The following TMC2 variants were observed in gnomAD, a reference collection of about 807,000 sequenced individuals.
TMC2 encodes the protein transmembrane channel-like protein 2.
In TMC2, 102 loss-of-function variants were observed where a neutral mutation model predicts 105.9. The observed-to-expected ratio is 0.96, with a 90% CI of 0.82 to 1.14. TMC2 has a LOEUF of 1.14. Among genes scored for constraint, TMC2 ranks in the 50% most tolerant of loss-of-function variants. The pLI, the probability that TMC2 is intolerant of heterozygous loss-of-function variation, is 0.00. For missense variants in TMC2, 1,093 were observed against 1,134.3 expected (o/e 0.96, Z 0.52); for synonymous variants, 402 against 422.8 (o/e 0.95, Z 0.60).
intron 10 of TMC2, among the ~76,000 whole-genome samples, chr20:2,598,197 GA>G (rs11472755): frequency 3.3e-3 from 432 of 132,334 alleles, no homozygotes; most frequent in African/African-American, 8.4e-3. Flanking sequence ...CTAGTGAAAT[GA>G]AAAAAAAAAA....
intron 8 of TMC2, among the ~76,000 whole-genome samples, chr20:2,593,547 G>A (rs540744259): frequency 3.3e-5 from 5 of 152,266 alleles, no homozygotes; most frequent in Admixed American, 1.3e-4. Context: ...TAAAGATTGC[G>A]TGTGTAAGTG....
intron 10 of TMC2, among the ~76,000 whole-genome samples, chr20:2,599,281 G>A (rs1269286977): frequency 1.6e-5 from 2 of 123,064 alleles, no homozygotes; most frequent in African/African-American, 3.0e-5. Flanking sequence ...ATGAATGAAT[G>A]AATGGGATAA....
At position 2,592,432 on chromosome 20, in the gene TMC2, A is replaced by C; in HGVS notation, c.933+24A>C. ...AGGTACTATTGTCAACATGCCAATG[A>C]ACTTCCATTTGTGATTATAAAGGCT... On this transcript the variant is annotated intron_variant, in intron 8 of 19. Transcript: ENST00000358864. This position sits in a 1 kb window ranked among gnomAD's most constrained non-coding sequence, Gnocchi z 4.9. 2 of 1,464,210 alleles carry C rather than the reference A, an allele frequency of 1.4e-6. No individual in the cohort carries two copies. Among genetic ancestry groups the C allele is most frequent in the Non-Finnish European group, 1.9e-6 (2 of 1,043,264 alleles). The allele number at this position is 1,464,210 out of a possible 1,614,324, so 90.7% of individuals were successfully genotyped here.
intron 14 of TMC2, among the ~76,000 whole-genome samples, chr20:2,614,294 T>G (rs2086464494): frequency 6.6e-6 from 1 of 152,044 alleles, no homozygotes; most frequent in Non-Finnish European, 1.5e-5. Context: ...TGTGAGAATA[T>G]CCAGAAAAAA....
chr20:2,570,086 C>T (rs941633733), intron 4 of TMC2, among the ~76,000 whole-genome samples: 7 of 152,078 alleles, frequency 4.6e-5, no homozygotes, highest in African/African-American at 1.4e-4. Context: ...ACAAGAATGC[C>T]CATTCTCACT....
In TMC2 at chr20:2,616,319, G is replaced by C. The variant is rs2086481555; in HGVS notation, c.1940+115G>C. ...GCTAGATAAGTCCTCTTGCCTCTCTGAACTCCCCTCTTTCACATGAAAAAT... is the reference window on the plus strand; with the variant it reads ...GCTAGATAAGTCCTCTTGCCTCTCTCAACTCCCCTCTTTCACATGAAAAAT... On this transcript the variant is annotated intron_variant, in intron 15 of 19. Coordinates refer to ENST00000358864, the MANE Select transcript of TMC2 (RefSeq NM_080751.3). This position sits in a 1 kb window ranked among gnomAD's most constrained non-coding sequence, Gnocchi z 4.8. The C allele has an allele frequency of 1.2e-6, 1 of 840,012 alleles. No homozygotes were observed. Among genetic ancestry groups the C allele is most frequent in the African/African-American group, 1.7e-5 (1 of 59,512 alleles). 52.0% of individuals were successfully genotyped at this position (840,012 alleles called of 1,614,324 possible). A position where few individuals can be genotyped will look rare whatever the true frequency, so the allele number is the denominator to read the frequency against.
rs746844176 is a variant in TMC2, at chr20:2,579,165, G to C, written c.665G>C (p.Arg222Thr). 1 of 1,592,288 alleles carries C rather than the reference G, an allele frequency of 6.3e-7. No individual in the cohort carries two copies. The highest frequency in any genetic ancestry group is 8.6e-7 in the Non-Finnish European group (1 of 1,160,480). Residue 222 changes from arginine to threonine, a missense_variant, in exon 6 of 20, where the codon AGA becomes ACA. Arg to Thr is a moderately conservative substitution (Grantham distance 71, BLOSUM62 -1). Transcript: ENST00000358864. ...LMAKKWVKFK[R>T]DFDNFKTQCI... The stretch of plus-strand genomic sequence containing the variant: ...TTTCAGAAATGGGTCAAATTTAAGA[G>C]AGACTTTGATAATTTCAAGACTCAA...
intron 2 of TMC2, among the ~76,000 whole-genome samples, chr20:2,547,869 T>C (rs759603574): frequency 1.3e-5 from 2 of 152,232 alleles, no homozygotes; most frequent in African/African-American, 4.8e-5. Flanking sequence ...TTCTGCAAAC[T>C]TTCTGCTATT....
intron 14 of TMC2, 137 bp downstream of exon 14, chr20:2,613,459 T>C: frequency 5.4e-6 from 7 of 1,286,952 alleles, no homozygotes; most frequent in Non-Finnish European, 7.8e-6. Flanking sequence ...AGTAGTAAAG[T>C]GTTTAATTTG....
chr20:2,626,313 G>A (rs1422636970), intron 17 of TMC2, among the ~76,000 whole-genome samples: 1 of 152,228 alleles, frequency 6.6e-6, no homozygotes, highest in African/African-American at 2.4e-5. Context: ...CAGCTCAGCT[G>A]GAGGCTGGAG....
chr20:2,628,059 T>C (rs936596216), intron 17 of TMC2, among the ~76,000 whole-genome samples: 2 of 151,900 alleles, frequency 1.3e-5, no homozygotes, highest in African/African-American at 2.4e-5. Context: ...TCCCAGCTAC[T>C]TGAGAGACTG....
intron 4 of TMC2, among the ~76,000 whole-genome samples, chr20:2,568,147 T>C (rs1231022759): frequency 6.6e-6 from 1 of 151,732 alleles, no homozygotes. Flanking sequence ...GCAAAACAAA[T>C]CCCAAGCAGG....
chr20:2,546,935 T>C (rs1219253046), intron 2 of TMC2, among the ~76,000 whole-genome samples: 1 of 152,178 alleles, frequency 6.6e-6, no homozygotes, highest in African/African-American at 2.4e-5. Flanking sequence ...GGTCAAAATG[T>C]CTATAATGAT....
intron 11 of TMC2, 138 bp downstream of exon 11, chr20:2,602,439 AAATAGC>A: frequency 8.0e-6 from 5 of 625,126 alleles, no homozygotes; most frequent in Non-Finnish European, 1.0e-5. Context: ...CCTTCCAGTC[AAATAGC>A]ATGAATATCC....
chr20:2,629,793 G>A (rs1256007172), intron 17 of TMC2, among the ~76,000 whole-genome samples: 1 of 152,152 alleles, frequency 6.6e-6, no homozygotes, highest in East Asian at 1.9e-4. Flanking sequence ...GTAGACCAGG[G>A]GTCATCAAAC....
rs905398425 is a variant in TMC2 at position 2,572,117 on chromosome 20, A to G, written c.555-62A>G. On this transcript the variant is annotated intron_variant, in intron 4 of 19. Coordinates refer to ENST00000358864, the MANE Select transcript of TMC2 (RefSeq NM_080751.3). ...TCACACATGTGTTTGAGGCTTCATA[A>G]TTCAGATTTCCTCTGGTTAGGTGCT... 5.5e-6 allele frequency: 7 copies of G among 1,279,082 alleles called. No homozygotes were observed. In the Admixed American group the frequency reaches 1.0e-4, roughly 19 times the overall value. 79.2% of individuals were successfully genotyped at this position (1,279,082 alleles called of 1,614,324 possible).
rs77174041 is a variant in TMC2, at chr20:2,570,419, T to C, written c.555-1760T>C. Among the ~76,000 whole-genome samples the C allele has an allele frequency of 1.2e-3, 175 of 151,416 alleles. 1 individual carries two copies. Among genetic ancestry groups the C allele is most frequent in the African/African-American group, 4.1e-3 (168 of 41,264 alleles). On this transcript the variant is annotated intron_variant, in intron 4 of 19. Transcript: ENST00000358864. Reference sequence around the variant, plus strand: ...ATTTACAATAGTCACAAAAATAAAATAAAATAAAATACCTTGGAATTCATC... The same window carrying C: ...ATTTACAATAGTCACAAAAATAAAACAAAATAAAATACCTTGGAATTCATC...
rs151153696 is a variant in TMC2 at position 2,567,621 on chromosome 20, C to T, written c.555-4558C>T. Among the ~76,000 whole-genome samples the T allele has an allele frequency of 6.9e-3, 1,055 of 152,082 alleles. 16 individuals carry two copies. Among genetic ancestry groups the T allele is most frequent in the Middle Eastern group, 0.017 (5 of 292 alleles). On this transcript the variant is annotated intron_variant, in intron 4 of 19. Coordinates refer to ENST00000358864, the MANE Select transcript of TMC2 (RefSeq NM_080751.3). ...CTATATTGCTCAGGCTGGTCTCGAA[C>T]TCTTGGCTCAAGCAATCCTCCCACC...
chr20:2,555,516 T>C (rs1440647981), intron 2 of TMC2, among the ~76,000 whole-genome samples: 1 of 152,240 alleles, frequency 6.6e-6, no homozygotes, highest in African/African-American at 2.4e-5. Context: ...TTTTAATCTA[T>C]AAGTCTGTTT....
Sources: gnomAD v4.1 joint callset for allele counts (sites outside exome capture counted in the v4.1 genomes callset) on GRCh38, gnomAD v4.1.1 for gene constraint, Gnocchi (gnomAD v3.1) non-coding constraint, MANE v1.5 for transcripts, NCBI Gene and HGNC (gene_info 2026-07-23, HGNC 2026-07-21) for gene names.